Variants in TMEM14A observed in about 807,000 individuals in gnomAD.
TMEM14A encodes the protein transmembrane protein 14A.
Under a neutral mutation model 11.6 loss-of-function variants are expected in TMEM14A, and 8 were observed. The observed-to-expected ratio is 0.69, with a 90% CI of 0.40 to 1.24. TMEM14A has a LOEUF of 1.24. Among genes scored for constraint, TMEM14A ranks in the 50% most tolerant of loss-of-function variants. The pLI is 0.01. For synonymous variants in TMEM14A, 34 were observed against 45.5 expected, an observed-to-expected ratio of 0.75 and a Z score of 1.02; for missense variants, 108 against 121.9, an observed-to-expected ratio of 0.89 and a Z score of 0.54.
intron 1 of TMEM14A, among the ~76,000 whole-genome samples, chr6:52,673,592 T>C (rs9349640): frequency 0.69 from 105,190 of 151,778 alleles, 38,097 homozygotes; most frequent in South Asian, 0.82. Flanking sequence ...GGGACCCTGT[T>C]TGATCTGGGC....
intron 2 of TMEM14A, among the ~76,000 whole-genome samples, chr6:52,680,585 T>TTATATTTATATATATATATATA (rs1769346627): frequency 9.0e-5 from 3 of 33,264 alleles, no homozygotes; most frequent in Non-Finnish European, 1.6e-4. Context: ...CACTATATAT[T>TTATATTTATATATATATATATA]TATATATTTA....
Position 52,685,633 on chromosome 6 carries a change from C to T in TMEM14A, c.261-377C>T, listed in dbSNP as rs954734350. On this transcript the variant is annotated intron_variant, in intron 4 of 4. Transcript: ENST00000211314. The stretch of plus-strand genomic sequence containing the variant: ...AAAAATGAAGTAGGGTTTATGGATC[C>T]GGAAGAAGGCCTCAGTTAATAGAAA... Among the ~76,000 whole-genome samples the T allele has an allele frequency of 7.9e-5, 12 of 151,778 alleles. No homozygotes were observed. In the South Asian group the frequency reaches 1.5e-3, roughly 18 times the overall value.
chr6:52,683,953 A>G lies in TMEM14A; in HGVS notation c.173-125A>G, dbSNP rs1036679278. The G allele has an allele frequency of 3.0e-5, 26 of 878,274 alleles. No homozygotes were observed. In the African/African-American group the frequency reaches 3.6e-4, roughly 12 times the overall value. The allele number at this position is 878,274 out of a possible 1,614,324, so 54.4% of individuals were successfully genotyped here. ...TAGAGCACTTTATCTTTTCAAGACA[A>G]TGGCAACTCAGTACCTATCCATAAT... On this transcript the variant is annotated intron_variant, in intron 3 of 4. Coordinates refer to ENST00000211314, the MANE Select transcript of TMEM14A (RefSeq NM_014051.4).
rs1003207451 is a variant in TMEM14A, at chr6:52,681,988, A to G, written c.172+74A>G. 2.6e-5 allele frequency: 33 copies of G among 1,270,838 alleles called. No homozygotes were observed. The Admixed American group carries it at 6.5e-4, about 25-fold the overall frequency. The allele number at this position is 1,270,838 out of a possible 1,614,324, so 78.7% of individuals were successfully genotyped here. A position where few individuals can be genotyped will look rare whatever the true frequency, so the allele number is the denominator to read the frequency against. ...ATCTTTTTGATACCCTATGCTAGAT[A>G]TACTAGAACATATTTAGTCAAATGG... On this transcript the variant is annotated intron_variant, in intron 3 of 4. Transcript: ENST00000211314.
chr6:52,677,000 A>C, intron 1 of TMEM14A, 87 bp from the exon 2 acceptor site: 1 of 1,284,406 alleles, frequency 7.8e-7, no homozygotes, highest in Non-Finnish European at 1.1e-6. Context: ...ACACACAGCC[A>C]AACCATATAA....
At chr6:52,673,079 C>T (rs536052942) in intron 1 of TMEM14A, among the ~76,000 whole-genome samples, 43 of 152,294 alleles carry the variant, frequency 2.8e-4, no homozygotes, top group Non-Finnish European at 2.2e-4. Context: ...CTTGCACATG[C>T]GCTCCCTTCT....
At position 52,682,200 on chromosome 6, in the gene TMEM14A, C is replaced by T. The variant is rs539406933; in HGVS notation, c.172+286C>T. On this transcript the variant is annotated intron_variant, in intron 3 of 4. Transcript: ENST00000211314. ...ATTTTCAGATTTTCTGCTAACTCTC[C>T]TAAATGCATATTTAGCATAGTTTTT... Among the ~76,000 whole-genome samples, 27 of 152,306 alleles carry T rather than the reference C, an allele frequency of 1.8e-4. No homozygotes were observed. In the South Asian group the frequency reaches 5.0e-3, roughly 28 times the overall value.
intron 4 of TMEM14A, 98 bp from the exon 5 acceptor site, chr6:52,685,912 G>T: frequency 8.7e-7 from 1 of 1,145,308 alleles, no homozygotes; most frequent in Non-Finnish European, 1.2e-6. Flanking sequence ...CCAAGCCAAG[G>T]ATTAGTAACA....
chr6:52,683,485 A>ACAACAACAAC lies in TMEM14A; in HGVS notation c.173-593_173-592insCAACAACAAC, dbSNP rs199587577. On this transcript the variant is annotated intron_variant, in intron 3 of 4. Transcript: ENST00000211314. ...AACAACAACAACAACAACAACAACAAAAAAAAAAAAAAGAAAAAGAAAAGG... is the reference window on the plus strand; with the variant it reads ...AACAACAACAACAACAACAACAACAACAACAACAACAAAAAAAAAAAAGAAAAAGAAAAGG... Among the ~76,000 whole-genome samples the ACAACAACAAC allele has an allele frequency of 7.6e-3, 659 of 86,698 alleles. 2 individuals carry two copies. The highest frequency in any genetic ancestry group is 0.012 in the Non-Finnish European group (481 of 40,042). The allele number at this position is 86,698 out of a possible 152,430, so 56.9% of individuals were successfully genotyped here. A position where few individuals can be genotyped will look rare whatever the true frequency, so the allele number is the denominator to read the frequency against.
intron 2 of TMEM14A, among the ~76,000 whole-genome samples, chr6:52,680,335 T>G (rs1769340981): frequency 6.6e-6 from 1 of 151,606 alleles, no homozygotes; most frequent in Admixed American, 6.6e-5. Flanking sequence ...ACAGTATGTC[T>G]GAAAGCCATG....
intron 2 of TMEM14A, among the ~76,000 whole-genome samples, chr6:52,678,788 ATCT>A (rs1276593443): frequency 3.3e-5 from 5 of 152,050 alleles, no homozygotes; most frequent in Non-Finnish European, 7.4e-5. Context: ...TAAAGTTTTA[ATCT>A]TCTTGTTTTT....
rs1769492208 is a variant in TMEM14A at position 52,686,266 on chromosome 6, TAATG to T, written c.*221_*224del. 2.2e-6 allele frequency: 1 copy of T among 452,462 alleles called. No homozygotes were observed. The highest frequency in any genetic ancestry group is 3.9e-6 in the Non-Finnish European group (1 of 256,950). 28.0% of individuals were successfully genotyped at this position (452,462 alleles called of 1,614,324 possible). A position where few individuals can be genotyped will look rare whatever the true frequency, so the allele number is the denominator to read the frequency against. The stretch of plus-strand genomic sequence containing the variant: ...AAGCACTATTTTCATTAAAAGTGTC[TAATG>T]AATCATGATATACTCTTCCATTTGT... On this transcript the variant is annotated 3_prime_UTR_variant, in exon 5 of 5. Coordinates refer to ENST00000211314, the MANE Select transcript of TMEM14A (RefSeq NM_014051.4).
chr6:52,675,238 C>T (rs1769235073), intron 1 of TMEM14A, among the ~76,000 whole-genome samples: 1 of 152,060 alleles, frequency 6.6e-6, no homozygotes, highest in Non-Finnish European at 1.5e-5. Context: ...ATAAAAGGCC[C>T]ATTAACCTAA....
intron 1 of TMEM14A, among the ~76,000 whole-genome samples, chr6:52,672,267 G>A (rs1561872448): frequency 6.6e-6 from 1 of 151,966 alleles, no homozygotes; most frequent in Non-Finnish European, 1.5e-5. Flanking sequence ...GAGCTTGGCT[G>A]GCTGAGAGTT....
In TMEM14A at chr6:52,684,122, A is replaced by C. The variant is rs1435752430; in HGVS notation, c.217A>C (p.Arg73=). ...LATIMGVRFK[R]SKKIMPAGLV... ...TACCATAATGGGTGTGAGATTTAAGAGGTCCAAGAAAATAATGCCTGCTGG... is the reference window on the plus strand; with the variant it reads ...TACCATAATGGGTGTGAGATTTAAGCGGTCCAAGAAAATAATGCCTGCTGG... Residue 73 remains arginine, a synonymous_variant, in exon 4 of 5, where the codon AGG becomes CGG. Coordinates refer to ENST00000211314, the MANE Select transcript of TMEM14A (RefSeq NM_014051.4). 1 of 1,613,940 alleles carries C rather than the reference A, an allele frequency of 6.2e-7. No homozygotes were observed. Among genetic ancestry groups the C allele is most frequent in the African/African-American group, 1.3e-5 (1 of 75,046 alleles).
intron 2 of TMEM14A, among the ~76,000 whole-genome samples, chr6:52,678,319 ATGTGTGTGTTTGTGTGTGTGTGTGTGTG>A (rs1490675058): frequency 1.1e-4 from 15 of 133,796 alleles, no homozygotes; most frequent in Middle Eastern, 4.1e-3. Context: ...GAGTGTGTGT[ATGTGTGTGTTTGTGTGTGTGTGTGTGTG>A]TGTGTGTGTG....
intron 2 of TMEM14A, among the ~76,000 whole-genome samples, chr6:52,678,084 T>G (rs1769292866): frequency 6.6e-6 from 1 of 152,140 alleles, no homozygotes; most frequent in African/African-American, 2.4e-5. Context: ...AAAAAAAAGA[T>G]GATGGCACCA....
Position 52,677,157 on chromosome 6 carries a change from G to C in TMEM14A, c.55G>C (p.Gly19Arg). 1 of 1,614,122 alleles carries C rather than the reference G, an allele frequency of 6.2e-7. No individual in the cohort carries two copies. The highest frequency in any genetic ancestry group is 8.5e-7 in the Non-Finnish European group (1 of 1,180,014). The part of the protein sequence containing the change: ...AALVTFGSIF[G>R]YKRRGGVPSL... ...CCTCGTGACATTTGGAAGCATTTTT[G>C]GATATAAGCGGAGAGGTAAGCCTAA... Residue 19 changes from glycine (G) to arginine (R), a missense_variant, in exon 2 of 5, where the codon GGA becomes CGA. Gly to Arg is a moderately radical substitution (Grantham distance 125). Transcript: ENST00000211314.
At chr6:52,671,759 G>A (rs1041877182) in intron 1 of TMEM14A, among the ~76,000 whole-genome samples, 7 of 152,226 alleles carry the variant, frequency 4.6e-5, no homozygotes, top group Non-Finnish European at 1.0e-4. Flanking sequence ...TTTGTACCTG[G>A]TATGGTAAAT....
Sources: gnomAD v4.1 joint callset for allele counts (sites outside exome capture counted in the v4.1 genomes callset) on GRCh38, gnomAD v4.1.1 for gene constraint, MANE v1.5 for transcripts, NCBI Gene and HGNC (gene_info 2026-07-23, HGNC 2026-07-21) for gene names.